The following TOX variants were observed in gnomAD, a reference collection of about 807,000 sequenced individuals.
TOX encodes thymocyte selection associated high mobility group box.
Under a neutral mutation model 53.7 loss-of-function variants are expected in TOX, and 11 were observed. The ratio of observed to expected loss-of-function variants is 0.20; its 90% confidence interval spans 0.13 to 0.34. The LOEUF is 0.34. TOX is among the 10% of genes least tolerant of loss of function. The probability of loss-of-function intolerance (pLI) is 1.00; values close to 1 mark genes in which losing one functional copy is unlikely to be tolerated. For synonymous variants in TOX, 225 were observed against 245.3 expected (o/e 0.92, Z 0.77); for missense variants, 570 against 664.6 (o/e 0.86, Z 1.56).
chr8:58,816,171 C>T (rs1810174705), intron 6 of TOX, among the ~76,000 whole-genome samples: 1 of 152,188 alleles, frequency 6.6e-6, no homozygotes, highest in African/African-American at 2.4e-5. Context: ...CTCAAAGAGA[C>T]TTGGCCTAGA....
intron 1 of TOX, among the ~76,000 whole-genome samples, chr8:59,012,589 A>G (rs1813926626): frequency 6.6e-6 from 1 of 152,204 alleles, no homozygotes; most frequent in Admixed American, 6.5e-5. Context: ...GAATCAGGAT[A>G]TTGTTTTGTC....
Position 58,815,509 on chromosome 8 carries a change from A to G in TOX, c.1221T>C (p.Thr407=). ...ACACAGCCATGTTTGCTATAGAGAC[A>G]GTCACTGGCATTTGGTTATTCGGCT... is the stretch of plus-strand genomic sequence containing the variant. ...APKPNNQMPV[T]VSIANMAVSP... is the part of the protein sequence containing the mutation. Residue 407 remains threonine (T), a synonymous_variant, in exon 7 of 9, where the codon ACT becomes ACC. Transcript: ENST00000361421. The G allele has an allele frequency of 6.2e-7, 1 of 1,614,060 alleles. No homozygotes were observed. The highest frequency in any genetic ancestry group is 8.5e-7 in the Non-Finnish European group (1 of 1,179,990).
chr8:59,054,243 GT>G (rs1215076897), intron 1 of TOX, among the ~76,000 whole-genome samples: 2 of 152,172 alleles, frequency 1.3e-5, no homozygotes, highest in Non-Finnish European at 2.9e-5. Flanking sequence ...ATTATAAACA[GT>G]TCATGAATAG....
intron 3 of TOX, among the ~76,000 whole-genome samples, chr8:58,886,749 C>A (rs1046145133): frequency 4.6e-5 from 7 of 152,000 alleles, no homozygotes; most frequent in African/African-American, 1.7e-4. Flanking sequence ...ACAATAAAAT[C>A]ATCTGTAAGT....
At chr8:58,819,171 A>C (rs922182839) in intron 6 of TOX, among the ~76,000 whole-genome samples, 1 of 152,354 alleles carries the variant, frequency 6.6e-6, no homozygotes, top group East Asian at 1.9e-4. Context: ...TTCCCAATTT[A>C]ACTGTGAAAG....
chr8:58,982,684 C>T (rs1213797909), intron 1 of TOX, among the ~76,000 whole-genome samples: 2 of 152,162 alleles, frequency 1.3e-5, no homozygotes, highest in Non-Finnish European at 1.5e-5. Flanking sequence ...CAGATTGTTG[C>T]CATTATCATT....
intron 1 of TOX, among the ~76,000 whole-genome samples, chr8:59,075,916 A>G (rs1049232031): frequency 6.6e-6 from 1 of 151,990 alleles, no homozygotes; most frequent in Non-Finnish European, 1.5e-5. Flanking sequence ...GAGGCAGGGG[A>G]ATCGCTTGAA....
At chr8:58,878,730 A>T (rs2129170685) in intron 3 of TOX, among the ~76,000 whole-genome samples, 1 of 152,246 alleles carries the variant, frequency 6.6e-6, no homozygotes. Context: ...TTTTGAGAAT[A>T]TATTATTTGC....
At chr8:59,049,648 TA>T (rs2129421225) in intron 1 of TOX, among the ~76,000 whole-genome samples, 1 of 152,268 alleles carries the variant, frequency 6.6e-6, no homozygotes, top group African/African-American at 2.4e-5. Context: ...CCATTTTTTC[TA>T]ATCTATAAAT....
intron 2 of TOX, among the ~76,000 whole-genome samples, chr8:58,948,169 G>C (rs1016509862): frequency 6.6e-6 from 1 of 152,164 alleles, no homozygotes; most frequent in Non-Finnish European, 1.5e-5. Context: ...CTGAGGTCAG[G>C]GTTTGCCAGC....
intron 1 of TOX, among the ~76,000 whole-genome samples, chr8:59,065,371 G>A (rs1328925844): frequency 6.6e-6 from 1 of 152,140 alleles, no homozygotes; most frequent in Admixed American, 6.5e-5. Flanking sequence ...GTGGTTTTCA[G>A]TGATTTAGAA....
intron 1 of TOX, among the ~76,000 whole-genome samples, chr8:59,030,902 A>C (rs1285697474): frequency 1.3e-5 from 2 of 152,238 alleles, no homozygotes; most frequent in African/African-American, 2.4e-5. Context: ...TTGTGTCAGA[A>C]ACATCATACA....
rs185559754 is a variant in TOX at position 58,887,102 on chromosome 8, T to A, written c.412-35297A>T. On this transcript the variant is annotated intron_variant, in intron 3 of 8. Coordinates refer to ENST00000361421, the MANE Select transcript of TOX (RefSeq NM_014729.3). ...TGTCAGATACACTGATATATATTTA[T>A]CATGTAATTTATGTGAAATCAACAC... Among the ~76,000 whole-genome samples the A allele has an allele frequency of 3.6e-4, 55 of 152,098 alleles. 1 individual carries two copies. Among genetic ancestry groups the A allele is most frequent in the Admixed American group, 4.6e-4 (7 of 15,252 alleles).
chr8:58,850,220 C>T (rs1354045390), intron 4 of TOX, among the ~76,000 whole-genome samples: 1 of 152,102 alleles, frequency 6.6e-6, no homozygotes, highest in Non-Finnish European at 1.5e-5. Flanking sequence ...TATGGTAAGA[C>T]AGAAAACATG....
chr8:58,982,678 T>A (rs77804773), intron 1 of TOX, among the ~76,000 whole-genome samples: 9,457 of 152,328 alleles, frequency 0.062, 403 homozygotes, highest in Non-Finnish European at 0.098. Context: ...TTTGTCCAGA[T>A]TGTTGCCATT....
Position 58,927,942 on chromosome 8 carries a change from C to T in TOX, c.411+11360G>A, listed in dbSNP as rs553141939. On this transcript the variant is annotated intron_variant, in intron 3 of 8. Coordinates refer to ENST00000361421, the MANE Select transcript of TOX (RefSeq NM_014729.3). ...GGCCTCACCCAGACCCACAGGCGTA[C>T]CCACCACTCATACGGCTTCTCAAGA... 8.5e-5 allele frequency among the ~76,000 whole-genome samples: 13 copies of T among 152,266 alleles called. No homozygotes were observed. In the South Asian group the frequency reaches 1.7e-3, roughly 19 times the overall value.
intron 2 of TOX, among the ~76,000 whole-genome samples, chr8:58,942,389 C>A (rs1812457576): frequency 6.6e-6 from 1 of 152,182 alleles, no homozygotes; most frequent in Admixed American, 6.5e-5. Context: ...ACCAAAACCA[C>A]AGATTCCACA....
chr8:59,010,315 T>C (rs1195059817), intron 1 of TOX, among the ~76,000 whole-genome samples: 1 of 152,218 alleles, frequency 6.6e-6, no homozygotes, highest in Non-Finnish European at 1.5e-5. Context: ...TTAGCAATTA[T>C]TATGACTATT....
intron 1 of TOX, among the ~76,000 whole-genome samples, chr8:59,018,633 G>A (rs1320725356): frequency 1.3e-5 from 2 of 151,944 alleles, no homozygotes; most frequent in Non-Finnish European, 2.9e-5. Context: ...TTACTCTCTG[G>A]GGTGTTCCGG....
Sources: allele counts gnomAD v4.1 joint callset (sites outside exome capture counted in the v4.1 genomes callset), GRCh38; gene constraint gnomAD v4.1.1; transcripts MANE v1.5; gene names NCBI Gene and HGNC (gene_info 2026-07-23, HGNC 2026-07-21).